PI4KA: variants seen among roughly 807,000 people sequenced by gnomAD.
PI4KA encodes PI4-kinase alpha.
In PI4KA, 122 loss-of-function variants were observed where a neutral mutation model predicts 271.4. The observed-to-expected ratio is 0.45, with a 90% confidence interval of 0.39 to 0.52. The LOEUF is 0.52. Among genes scored for constraint, PI4KA ranks in the 20% least tolerant of loss-of-function variants. The probability of loss-of-function intolerance (pLI) is 0.00; values close to 1 mark genes in which losing one functional copy is unlikely to be tolerated. For synonymous variants in PI4KA, 1,041 were observed against 1,078.8 expected, an observed-to-expected ratio of 0.96 and a Z score of 0.69; for missense variants, 1,969 against 2,769.1, an observed-to-expected ratio of 0.71 and a Z score of 6.48.
intron 36 of PI4KA, among the ~76,000 whole-genome samples, chr22:20,732,356 G>T (rs1928175729): frequency 1.3e-5 from 2 of 152,294 alleles, no homozygotes; most frequent in South Asian, 4.1e-4. Context: ...CTCTAGCCTG[G>T]GAGAACAGGG....
In PI4KA at chr22:20,786,016, G is replaced by C. The variant is rs770479744; in HGVS notation, c.2328+7177C>G. 31 of 1,614,040 alleles carry C rather than the reference G, an allele frequency of 1.9e-5. No individual in the cohort carries two copies. The Admixed American group carries it at 2.3e-4, about 12-fold the overall frequency. ...CTTTTCTGTCTAGAACTCGAGAAGTGCTTCTGCCGAAATTCAAGCTGGAGA... is the reference window on the plus strand; with the variant it reads ...CTTTTCTGTCTAGAACTCGAGAAGTCCTTCTGCCGAAATTCAAGCTGGAGA... On this transcript the variant is annotated intron_variant, in intron 19 of 54. Coordinates refer to ENST00000255882, the MANE Select transcript of PI4KA (RefSeq NM_058004.4).
chr22:20,757,834 G>A (rs976525960), intron 23 of PI4KA, among the ~76,000 whole-genome samples: 2 of 152,060 alleles, frequency 1.3e-5, no homozygotes, highest in Non-Finnish European at 2.9e-5. Context: ...GTGAGCTACC[G>A]CACCCAGCCT....
chr22:20,819,597 C>G, intron 6 of PI4KA, 44 bp downstream of exon 6: 2 of 1,570,266 alleles, frequency 1.3e-6, no homozygotes, highest in South Asian at 1.2e-5. Flanking sequence ...GGGAGCTTAA[C>G]AGGGTCTTTC....
intron 32 of PI4KA, among the ~76,000 whole-genome samples, chr22:20,740,193 A>G (rs1929255502): frequency 6.6e-6 from 1 of 151,726 alleles, no homozygotes; most frequent in Non-Finnish European, 1.5e-5. Context: ...ATCTGAAATA[A>G]AAAATATACA....
chr22:20,800,311 A>G (rs917817020), intron 14 of PI4KA, among the ~76,000 whole-genome samples: 3 of 152,226 alleles, frequency 2.0e-5, no homozygotes, highest in African/African-American at 4.8e-5. Context: ...TTCTAAGGGC[A>G]AGGAACCAGA....
At chr22:20,758,459 C>CTTTTTTTTTTTT (rs35401829) in intron 23 of PI4KA, among the ~76,000 whole-genome samples, 5 of 85,030 alleles carry the variant, frequency 5.9e-5, no homozygotes, top group African/African-American at 9.5e-5. Context: ...TCTTTCTTTT[C>CTTTTTTTTTTTT]TTTTTTTTTT....
Position 20,813,472 on chromosome 22 carries a change from A to G in PI4KA, c.891T>C (p.Pro297=). The stretch of plus-strand genomic sequence containing the variant: ...AGCTGATGGTTGAAAAGTAGTACTC[A>G]GGCTCTAGGGCAGTCCCATCGGGCA... ...SCLPDGTALE[P]EYYFSTISSS... is the part of the protein sequence containing the mutation. The change falls in exon 8 of 55, where the codon CCT becomes CCC. Residue 297 remains proline, a synonymous_variant. Transcript: ENST00000255882. The G allele has an allele frequency of 1.2e-6, 2 of 1,614,100 alleles. No homozygotes were observed. The highest frequency in any genetic ancestry group is 1.6e-4 in the Middle Eastern group (1 of 6,062).
At chr22:20,719,981 G>A (rs1345864699) in intron 43 of PI4KA, among the ~76,000 whole-genome samples, 5 of 143,426 alleles carry the variant, frequency 3.5e-5, no homozygotes, top group East Asian at 2.1e-4. Context: ...AGCCGAGATC[G>A]TGCCACTGCA....
chr22:20,717,656 C>G (rs1430532821), intron 45 of PI4KA, 52 bp downstream of exon 45: 1 of 1,413,140 alleles, frequency 7.1e-7, no homozygotes, highest in African/African-American at 1.4e-5. Flanking sequence ...CACGCCCCGC[C>G]GCCCGCCTGC....
At chr22:20,770,104 G>A (rs1932802864) in intron 19 of PI4KA, among the ~76,000 whole-genome samples, 1 of 152,022 alleles carries the variant, frequency 6.6e-6, no homozygotes, top group Admixed American at 6.6e-5. Flanking sequence ...CTGGAGTAGG[G>A]GGTACAATCA....
At chr22:20,751,596 A>G in intron 26 of PI4KA, 78 bp downstream of exon 26, 1 of 1,250,852 alleles carries the variant, frequency 8.0e-7, no homozygotes, top group South Asian at 1.2e-5. Context: ...AGCATGCCAC[A>G]ACACAGGGCG....
At chr22:20,794,177 C>A (rs1044761184) in intron 18 of PI4KA, among the ~76,000 whole-genome samples, 14 of 152,230 alleles carry the variant, frequency 9.2e-5, no homozygotes, top group African/African-American at 3.4e-4. Flanking sequence ...CCTGCCTGGT[C>A]CCCTCTGGGA....
intron 7 of PI4KA, among the ~76,000 whole-genome samples, chr22:20,816,401 T>C (rs531872922): frequency 4.6e-5 from 7 of 152,168 alleles, no homozygotes; most frequent in Non-Finnish European, 1.0e-4. Flanking sequence ...GGTGCTGTGA[T>C]TACAGGCGTG....
At chr22:20,789,918 C>A (rs1934521901) in intron 19 of PI4KA, among the ~76,000 whole-genome samples, 1 of 152,138 alleles carries the variant, frequency 6.6e-6, no homozygotes, top group Non-Finnish European at 1.5e-5. Flanking sequence ...TCCAAGGCCA[C>A]AAAAGTGACT....
chr22:20,787,057 C>A (rs1310121084), intron 19 of PI4KA: 1 of 1,614,128 alleles, frequency 6.2e-7, no homozygotes, highest in Non-Finnish European at 8.5e-7. Flanking sequence ...CCAACCCCAG[C>A]AGGTCCTAGA....
At position 20,786,910 on chromosome 22, in the gene PI4KA, A is replaced by G. The variant is rs750070458; in HGVS notation, c.2328+6283T>C. The G allele has an allele frequency of 8.7e-6, 14 of 1,614,030 alleles. No homozygotes were observed. The East Asian group carries it at 3.1e-4, about 36-fold the overall frequency. On this transcript the variant is annotated intron_variant, in intron 19 of 54. Transcript: ENST00000255882. ...AAGGCACGATCACAGTGAACGAGGA[A>G]GGCACCCAAGCCACCACTGTGACCA...
intron 19 of PI4KA, among the ~76,000 whole-genome samples, chr22:20,773,526 T>G (rs1569015510): frequency 6.6e-6 from 1 of 152,006 alleles, no homozygotes; most frequent in Non-Finnish European, 1.5e-5. Flanking sequence ...CAGACAGGAG[T>G]GCTGGGCTGC....
chr22:20,759,726 C>A (rs550797952), intron 23 of PI4KA, among the ~76,000 whole-genome samples: 46 of 152,216 alleles, frequency 3.0e-4, no homozygotes, highest in Non-Finnish European at 5.6e-4. Flanking sequence ...CCACCACGCC[C>A]GGCTAATTTT....
chr22:20,717,323 G>T (rs1926126203), intron 45 of PI4KA, among the ~76,000 whole-genome samples: 1 of 152,164 alleles, frequency 6.6e-6, no homozygotes, highest in South Asian at 2.1e-4. Flanking sequence ...TGGGGGGGTG[G>T]TGCTGATGGG....
Sources: allele counts gnomAD v4.1 joint callset (sites outside exome capture counted in the v4.1 genomes callset), GRCh38; gene constraint gnomAD v4.1.1; transcripts MANE v1.5; gene names NCBI Gene and HGNC (gene_info 2026-07-23, HGNC 2026-07-21).